FHIT: variants seen among roughly 807,000 people sequenced by gnomAD.
FHIT encodes the protein bis(5'-adenosyl)-triphosphatase.
In FHIT, 19 loss-of-function variants were observed where a neutral mutation model predicts 17.9. That is an observed-to-expected ratio of 1.06 (90% CI 0.74 to 1.56). The LOEUF (loss-of-function observed/expected upper bound fraction) is 1.56, where lower values mean the gene tolerates loss of function less well. FHIT is among the 40% of genes most tolerant of loss of function. The pLI is 0.00. For synonymous variants in FHIT, 81 were observed against 69.7 expected, an observed-to-expected ratio of 1.16 and a Z score of -0.81; for missense variants, 248 against 189.2, an observed-to-expected ratio of 1.31 and a Z score of -1.82.
At chr3:61,230,160 GT>G (rs1320516469) in intron 1 of FHIT, among the ~76,000 whole-genome samples, 9 of 152,338 alleles carry the variant, frequency 5.9e-5, no homozygotes, top group African/African-American at 1.9e-4. Flanking sequence ...CAATGAGATA[GT>G]TTGGGTATTT....
chr3:60,358,543 G>A (rs931476636), intron 5 of FHIT, among the ~76,000 whole-genome samples: 5 of 152,182 alleles, frequency 3.3e-5, no homozygotes, highest in Admixed American at 6.6e-5. Context: ...ATATTACTGT[G>A]AGCCTAGGTC....
chr3:60,010,367 G>T (rs376581217), intron 7 of FHIT, among the ~76,000 whole-genome samples: 21 of 152,312 alleles, frequency 1.4e-4, no homozygotes, highest in African/African-American at 4.8e-4. Flanking sequence ...AGCCCATATG[G>T]TGGCAGTCCC....
At chr3:60,202,171 C>G (rs943773060) in intron 5 of FHIT, among the ~76,000 whole-genome samples, 1 of 152,180 alleles carries the variant, frequency 6.6e-6, no homozygotes, top group Non-Finnish European at 1.5e-5. Context: ...GTCAAGACTT[C>G]GTCACTAATT....
chr3:60,294,481 T>A (rs768015379), intron 5 of FHIT, among the ~76,000 whole-genome samples: 2 of 152,204 alleles, frequency 1.3e-5, no homozygotes, highest in African/African-American at 2.4e-5. Context: ...TTTTATTATA[T>A]ACACTTTTAG....
intron 5 of FHIT, among the ~76,000 whole-genome samples, chr3:60,048,511 C>T (rs145470720): frequency 1.4e-3 from 212 of 152,244 alleles, no homozygotes; most frequent in African/African-American, 4.6e-3. Flanking sequence ...GCTACAAATG[C>T]GGTCACATTC....
At chr3:60,317,469 G>T (rs888806721) in intron 5 of FHIT, among the ~76,000 whole-genome samples, 73 of 150,806 alleles carry the variant, frequency 4.8e-4, no homozygotes, top group African/African-American at 1.7e-3. Flanking sequence ...AAATATTTCA[G>T]TAGTTAACTA....
rs1436743059 is a variant in FHIT, at chr3:59,748,162, T to G, written c.*1423A>C. On this transcript the variant is annotated 3_prime_UTR_variant, in exon 10 of 10. Coordinates refer to ENST00000492590, the MANE Select transcript of FHIT (RefSeq NM_002012.4). ...TTTCTCTTATGTTTATTTTTATGCTTAACTTCTAATTACAGGTAGTACTTG... is the reference window on the plus strand; with the variant it reads ...TTTCTCTTATGTTTATTTTTATGCTGAACTTCTAATTACAGGTAGTACTTG... 6.6e-6 allele frequency among the ~76,000 whole-genome samples: 1 copy of G among 152,136 alleles called. No homozygotes were observed. The highest frequency in any genetic ancestry group is 1.5e-5 in the Non-Finnish European group (1 of 68,018).
intron 8 of FHIT, 138 bp downstream of exon 8, chr3:59,922,208 C>T: frequency 1.3e-6 from 1 of 755,854 alleles, no homozygotes; most frequent in Non-Finnish European, 2.3e-6. Flanking sequence ...TCCTTGGCCT[C>T]TATTGCCACT....
intron 5 of FHIT, among the ~76,000 whole-genome samples, chr3:60,355,315 T>C (rs41460748): frequency 0.019 from 2,896 of 152,282 alleles, 70 homozygotes; most frequent in African/African-American, 0.057. Context: ...CTGCCATCAA[T>C]TGGAAGATTG....
At chr3:61,036,062 G>A (rs970644052) in intron 3 of FHIT, among the ~76,000 whole-genome samples, 1 of 152,182 alleles carries the variant, frequency 6.6e-6, no homozygotes, top group Non-Finnish European at 1.5e-5. Flanking sequence ...TTTATAAAGA[G>A]GTTTAATTGG....
intron 2 of FHIT, among the ~76,000 whole-genome samples, chr3:61,123,685 C>T (rs2036527798): frequency 6.6e-6 from 1 of 152,064 alleles, no homozygotes; most frequent in Admixed American, 6.5e-5. Context: ...ATTATGCTTG[C>T]TCTGTTAATG....
At chr3:60,922,935 A>G (rs1467123411) in intron 3 of FHIT, among the ~76,000 whole-genome samples, 2 of 152,258 alleles carry the variant, frequency 1.3e-5, no homozygotes, top group African/African-American at 4.8e-5. Flanking sequence ...AGTATAAGTT[A>G]AACTTTGAAT....
At chr3:61,035,307 T>A (rs2033188447) in intron 3 of FHIT, among the ~76,000 whole-genome samples, 2 of 152,222 alleles carry the variant, frequency 1.3e-5, no homozygotes, top group African/African-American at 4.8e-5. Context: ...CTTAATAAAT[T>A]TTTAAATCAT....
chr3:59,864,599 T>C (rs991312529), intron 8 of FHIT, among the ~76,000 whole-genome samples: 64 of 151,672 alleles, frequency 4.2e-4, no homozygotes, highest in African/African-American at 1.5e-3. Context: ...TGATCTAGTA[T>C]ACAACCCGCA....
chr3:60,887,319 T>C (rs7627303), intron 3 of FHIT, among the ~76,000 whole-genome samples: 38,881 of 152,042 alleles, frequency 0.26, 5,736 homozygotes, highest in African/African-American at 0.39. Flanking sequence ...TTCTCATTAG[T>C]TGGTTAAAAT....
At chr3:60,141,168 A>G (rs1353358030) in intron 5 of FHIT, among the ~76,000 whole-genome samples, 2 of 152,128 alleles carry the variant, frequency 1.3e-5, no homozygotes, top group Non-Finnish European at 2.9e-5. Flanking sequence ...TGAGGCTATC[A>G]CCTGGACATT....
chr3:61,081,314 T>C (rs1439008), intron 2 of FHIT, among the ~76,000 whole-genome samples: 104,658 of 151,988 alleles, frequency 0.69, 37,215 homozygotes, highest in African/African-American at 0.79. Flanking sequence ...TGCCATTCTT[T>C]CAATTCATTC....
chr3:60,567,882 G>A (rs1263381330), intron 4 of FHIT, among the ~76,000 whole-genome samples: 5 of 152,192 alleles, frequency 3.3e-5, no homozygotes, highest in African/African-American at 9.7e-5. Context: ...GGCCATCAGA[G>A]AAATGCAAAA....
At chr3:60,564,467 G>A (rs748376498) in intron 4 of FHIT, among the ~76,000 whole-genome samples, 20 of 152,116 alleles carry the variant, frequency 1.3e-4, no homozygotes, top group Non-Finnish European at 2.1e-4. Context: ...AACTGTCATG[G>A]ACAGTGACTC....
Sources: allele counts gnomAD v4.1 joint callset (sites outside exome capture counted in the v4.1 genomes callset), GRCh38; gene constraint gnomAD v4.1.1; transcripts MANE v1.5; gene names NCBI Gene and HGNC (gene_info 2026-07-23, HGNC 2026-07-21).